Variants in HGF observed in about 807,000 individuals in gnomAD.
The protein encoded by HGF is fibroblast-derived tumor cytotoxic factor.
HGF carries 39 observed loss-of-function variants against 111.6 expected under a neutral mutation model. That is an observed-to-expected ratio of 0.35 (90% CI 0.27 to 0.46). The LOEUF is 0.46. HGF is among the 20% of genes least tolerant of loss of function. The pLI, the probability that HGF is intolerant of heterozygous loss-of-function variation, is 1.00. For synonymous variants in HGF, 285 were observed against 294.8 expected (o/e 0.97, Z 0.34); for missense variants, 735 against 910.5 (o/e 0.81, Z 2.48).
intron 10 of HGF, among the ~76,000 whole-genome samples, chr7:81,720,160 G>C (rs1226781897): frequency 2.0e-5 from 3 of 152,018 alleles, no homozygotes; most frequent in African/African-American, 4.8e-5. Flanking sequence ...TCTAAAATTT[G>C]TAGATTTTTT....
intron 11 of HGF, among the ~76,000 whole-genome samples, chr7:81,715,968 T>C (rs1316966209): frequency 6.6e-6 from 1 of 152,176 alleles, no homozygotes. Flanking sequence ...GTAAAGGATG[T>C]TCGTTGTAAA....
intron 9 of HGF, among the ~76,000 whole-genome samples, chr7:81,722,785 G>A (rs1377106605): frequency 8.0e-6 from 1 of 125,684 alleles, no homozygotes; most frequent in African/African-American, 3.2e-5. Flanking sequence ...CTGCAATCCA[G>A]CCTGGGCGAC....
At chr7:81,743,906 C>T (rs1394497871) in intron 6 of HGF, among the ~76,000 whole-genome samples, 1 of 152,164 alleles carries the variant, frequency 6.6e-6, no homozygotes, top group African/African-American at 2.4e-5. Flanking sequence ...TAGAGCCCTT[C>T]GAGGTCATGC....
At chr7:81,764,689 A>T (rs1034747609) in intron 1 of HGF, among the ~76,000 whole-genome samples, 1 of 152,088 alleles carries the variant, frequency 6.6e-6, no homozygotes, top group Non-Finnish European at 1.5e-5. Flanking sequence ...ATAAATACGC[A>T]AAGTTTTAGT....
chr7:81,769,857 A>T (rs752653550), intron 1 of HGF, 27 bp downstream of exon 1: 5 of 1,495,674 alleles, frequency 3.3e-6, no homozygotes, highest in Non-Finnish European at 4.6e-6. Flanking sequence ...ACTAATACTA[A>T]TAATGAAGAA....
At chr7:81,703,041 T>C (rs1789327770) in intron 17 of HGF, among the ~76,000 whole-genome samples, 1 of 151,722 alleles carries the variant, frequency 6.6e-6, no homozygotes. Flanking sequence ...TTAAGTGTGC[T>C]TTGCCTTTGT....
At chr7:81,742,712 T>G in intron 7 of HGF, 1 of 1,405,394 alleles carries the variant, frequency 7.1e-7, no homozygotes, top group Non-Finnish European at 9.3e-7. Context: ...ATAGTTTTTA[T>G]TGTAAATTCA....
chr7:81,739,119 A>G (rs6979802), intron 7 of HGF, among the ~76,000 whole-genome samples: 124,740 of 151,662 alleles, frequency 0.82, 51,770 homozygotes, highest in African/African-American at 0.93. Context: ...TATATATGTC[A>G]TCTACCCAAT....
chr7:81,719,313 A>G (rs1247327131), intron 10 of HGF, among the ~76,000 whole-genome samples: 14 of 152,108 alleles, frequency 9.2e-5, no homozygotes, highest in East Asian at 5.8e-4. Context: ...AAAATATGCT[A>G]TCTTTCATAG....
At chr7:81,729,876 T>A (rs1428454331) in intron 7 of HGF, 97 bp from the exon 8 acceptor site, 3 of 1,043,356 alleles carry the variant, frequency 2.9e-6, no homozygotes, top group African/African-American at 3.2e-5. Context: ...TTAGCAGATT[T>A]TTTTTTCTGT....
intron 1 of HGF, among the ~76,000 whole-genome samples, chr7:81,766,713 G>A (rs923010053): frequency 6.6e-6 from 1 of 152,030 alleles, no homozygotes. Context: ...CTTATTTAAG[G>A]TTTCATTCTT....
chr7:81,760,280 G>A (rs1356439145), intron 2 of HGF, among the ~76,000 whole-genome samples: 3 of 152,122 alleles, frequency 2.0e-5, no homozygotes, highest in Non-Finnish European at 4.4e-5. Flanking sequence ...GCTAAAAGAG[G>A]AAAGCTTCCT....
chr7:81,747,121 G>A (rs1158480578), intron 5 of HGF, among the ~76,000 whole-genome samples: 1 of 152,094 alleles, frequency 6.6e-6, no homozygotes, highest in East Asian at 1.9e-4. Context: ...GGCGGATCAC[G>A]AGGTCAGGAG....
At chr7:81,747,076 C>G (rs1052780184) in intron 5 of HGF, among the ~76,000 whole-genome samples, 1 of 152,158 alleles carries the variant, frequency 6.6e-6, no homozygotes, top group South Asian at 2.1e-4. Context: ...CGGTGGCTCA[C>G]GCCTGTAATC....
At chr7:81,706,987 A>G (rs988057311) in intron 14 of HGF, among the ~76,000 whole-genome samples, 7 of 151,972 alleles carry the variant, frequency 4.6e-5, no homozygotes, top group Non-Finnish European at 7.4e-5. Flanking sequence ...AAAAAAAAGA[A>G]TTATATCTAG....
rs1789455193 is a variant in HGF at position 81,707,348 on chromosome 7, C to T, written c.1558G>A (p.Gly520Arg). The T allele has an allele frequency of 2.5e-6, 4 of 1,593,974 alleles. No homozygotes were observed. The highest frequency in any genetic ancestry group is 1.1e-5 in the South Asian group (1 of 90,648). The change falls in exon 14 of 18, where the codon GGA becomes AGA. Residue 520 changes from glycine to arginine, a missense_variant. Around this residue, in one of 3 missense-constraint regions of HGF, gnomAD observed 553 missense variants for 685.6 expected, o/e 0.81. Coordinates refer to ENST00000222390, the MANE Select transcript of HGF (RefSeq NM_000601.6). ...SLRYRNKHIC[G>R]GSLIKESWVL... ...CAACTCTCCTTTATCAATGATCCTC[C>T]GCAGATATGTTTATTTCTGTGAAAA... is the stretch of plus-strand genomic sequence containing the variant.
chr7:81,717,295 G>C lies in HGF; in HGVS notation c.1342C>G (p.His448Asp), dbSNP rs762379250. 6.2e-7 allele frequency: 1 copy of C among 1,613,318 alleles called. No homozygotes were observed. The highest frequency in any genetic ancestry group is 8.5e-7 in the Non-Finnish European group (1 of 1,179,312). ...NYCRNPDDDA[H>D]GPWCYTGNPL... ...TTTCCCGTGTAGCACCAGGGTCCATGAGCATCATCATCTGGATTTCGGCAG... is the reference window on the plus strand; with the variant it reads ...TTTCCCGTGTAGCACCAGGGTCCATCAGCATCATCATCTGGATTTCGGCAG... Residue 448 changes from histidine to aspartate, a missense_variant, in exon 11 of 18, where the codon CAT becomes GAT. Physicochemically the swap from His to Asp is moderately conservative, Grantham distance 81 (BLOSUM62 -1). Coordinates refer to ENST00000222390, the MANE Select transcript of HGF (RefSeq NM_000601.6).
At chr7:81,746,510 C>T (rs192934287) in intron 5 of HGF, among the ~76,000 whole-genome samples, 3 of 152,108 alleles carry the variant, frequency 2.0e-5, no homozygotes, top group East Asian at 1.9e-4. Context: ...ATTTTGATAC[C>T]GTCAAAGAAA....
intron 8 of HGF, among the ~76,000 whole-genome samples, chr7:81,728,033 T>G (rs5745697): frequency 0.83 from 126,179 of 152,130 alleles, 52,914 homozygotes; most frequent in African/African-American, 0.95. Flanking sequence ...ATTGCCATTT[T>G]TAAGGTCTCA....
Sources: gnomAD v4.1 joint callset for allele counts (sites outside exome capture counted in the v4.1 genomes callset) on GRCh38, gnomAD v4.1.1 for gene constraint, gnomAD v4.1.1 regional missense constraint, MANE v1.5 for transcripts, NCBI Gene and HGNC (gene_info 2026-07-23, HGNC 2026-07-21) for gene names.